The following SPAG16 variants were observed in gnomAD, a reference collection of about 807,000 sequenced individuals.
SPAG16 encodes sperm associated antigen 16.
In SPAG16, 86 loss-of-function variants were observed where a neutral mutation model predicts 80.4. The ratio of observed to expected loss-of-function variants is 1.07; its 90% CI spans 0.90 to 1.28. The LOEUF is 1.28. Among genes scored for constraint, SPAG16 ranks in the 50% most tolerant of loss-of-function variants. The pLI is 0.00. For synonymous variants in SPAG16, 294 were observed against 265.9 expected (o/e 1.11, Z -1.03); for missense variants, 870 against 765.3 (o/e 1.14, Z -1.61).
chr2:214,211,966 T>C (rs1286767441), intron 15 of SPAG16, among the ~76,000 whole-genome samples: 2 of 152,178 alleles, frequency 1.3e-5, no homozygotes, highest in East Asian at 1.9e-4. Context: ...TTCGGGCTAC[T>C]GTGACACTTG....
intron 14 of SPAG16, among the ~76,000 whole-genome samples, chr2:214,134,906 G>C (rs1478121708): frequency 2.0e-5 from 3 of 152,116 alleles, no homozygotes; most frequent in Non-Finnish European, 2.9e-5. Flanking sequence ...ATTCCCCATG[G>C]AGTAGTATGT....
rs530312978 is a variant in SPAG16 at position 214,062,477 on chromosome 2, A to G, written c.1528-45719A>G. On this transcript the variant is annotated intron_variant, in intron 13 of 15. Transcript: ENST00000331683. ...AAACCAACCGCCTGACCTCACTACA[A>G]CATTACCACATCCCCAAACATGCAT... Among the ~76,000 whole-genome samples the G allele has an allele frequency of 2.0e-5, 3 of 151,168 alleles. No individual in the cohort carries two copies. In the East Asian group the frequency reaches 5.8e-4, roughly 29 times the overall value.
At chr2:214,096,898 T>C (rs1353439932) in intron 13 of SPAG16, among the ~76,000 whole-genome samples, 3 of 152,060 alleles carry the variant, frequency 2.0e-5, no homozygotes, top group Admixed American at 6.6e-5. Flanking sequence ...TTCTAATTTA[T>C]ATGCCAGTGA....
intron 12 of SPAG16, among the ~76,000 whole-genome samples, chr2:213,993,039 C>G (rs2046358287): frequency 6.6e-6 from 1 of 152,128 alleles, no homozygotes; most frequent in South Asian, 2.1e-4. Flanking sequence ...GTGACAGGCA[C>G]AAACACAAGT....
intron 12 of SPAG16, among the ~76,000 whole-genome samples, chr2:213,989,076 G>A (rs2046158255): frequency 6.6e-6 from 1 of 152,098 alleles, no homozygotes; most frequent in South Asian, 2.1e-4. Flanking sequence ...GTGGGATAGT[G>A]TCATATGATG....
rs369699588 is a variant in SPAG16 at position 214,247,887 on chromosome 2, G to T, written c.1720+98621G>T. On this transcript the variant is annotated intron_variant, in intron 15 of 15. Coordinates refer to ENST00000331683, the MANE Select transcript of SPAG16 (RefSeq NM_024532.5). ...TCTCTACAAAAAATAAATTAGCGGG[G>T]CACGGTGGTATGCACCTATAATCCA... is the stretch of plus-strand genomic sequence containing the variant. Among the ~76,000 whole-genome samples, 43 of 152,102 alleles carry T rather than the reference G, an allele frequency of 2.8e-4. No individual in the cohort carries two copies. In the South Asian group the frequency reaches 8.8e-3, roughly 31 times the overall value.
At chr2:213,507,862 T>C (rs2075030468) in intron 10 of SPAG16, among the ~76,000 whole-genome samples, 1 of 152,222 alleles carries the variant, frequency 6.6e-6, no homozygotes, top group Non-Finnish European at 1.5e-5. Context: ...CTCTCTATTA[T>C]CCCTTCATTT....
At chr2:214,116,851 T>C (rs909717323) in intron 14 of SPAG16, among the ~76,000 whole-genome samples, 4 of 152,186 alleles carry the variant, frequency 2.6e-5, no homozygotes, top group African/African-American at 9.6e-5. Context: ...ACAATTAGTA[T>C]TTTTAGATCT....
chr2:214,166,692 G>A (rs187754503), intron 15 of SPAG16, among the ~76,000 whole-genome samples: 98 of 152,118 alleles, frequency 6.4e-4, no homozygotes, highest in Admixed American at 1.5e-3. Context: ...GTTTCCTGGC[G>A]GGGCCCTGAC....
chr2:213,575,673 T>C (rs917687298), intron 10 of SPAG16, among the ~76,000 whole-genome samples: 2 of 152,176 alleles, frequency 1.3e-5, no homozygotes, highest in South Asian at 2.1e-4. Context: ...TAATTCCATA[T>C]TATATTTTTA....
intron 10 of SPAG16, among the ~76,000 whole-genome samples, chr2:213,661,225 T>C (rs182788174): frequency 1.3e-5 from 2 of 152,338 alleles, no homozygotes; most frequent in Admixed American, 6.5e-5. Context: ...TGGAAAATCT[T>C]TGTAGAATAT....
At chr2:214,367,127 A>C (rs1699527883) in intron 15 of SPAG16, among the ~76,000 whole-genome samples, 1 of 152,198 alleles carries the variant, frequency 6.6e-6, no homozygotes, top group South Asian at 2.1e-4. Context: ...TTGCTTTAAA[A>C]TGCCATATCA....
intron 11 of SPAG16, among the ~76,000 whole-genome samples, chr2:213,928,445 C>T (rs1575576310): frequency 6.6e-6 from 1 of 152,086 alleles, no homozygotes; most frequent in Non-Finnish European, 1.5e-5. Context: ...TATAATCCAC[C>T]TTCTCTCCAG....
At chr2:213,774,449 G>A (rs2069445499) in intron 10 of SPAG16, among the ~76,000 whole-genome samples, 2 of 152,240 alleles carry the variant, frequency 1.3e-5, no homozygotes, top group East Asian at 1.9e-4. Context: ...CTGTCTGCAT[G>A]TGGTCATCTT....
chr2:213,798,478 C>T (rs1267863930), intron 10 of SPAG16, among the ~76,000 whole-genome samples: 3 of 152,078 alleles, frequency 2.0e-5, no homozygotes, highest in Non-Finnish European at 2.9e-5. Flanking sequence ...TGGTCTTGAA[C>T]TTCTGATCTC....
intron 15 of SPAG16, among the ~76,000 whole-genome samples, chr2:214,258,174 A>C (rs1252857194): frequency 6.6e-6 from 1 of 151,876 alleles, no homozygotes; most frequent in Non-Finnish European, 1.5e-5. Context: ...GATTTCTGAG[A>C]TTTTGATGCA....
intron 12 of SPAG16, among the ~76,000 whole-genome samples, chr2:214,012,841 C>CA (rs757234089): frequency 4.7e-4 from 71 of 152,248 alleles, no homozygotes; most frequent in Admixed American, 1.2e-3. Context: ...TCTTCTGGGT[C>CA]ATTTCTAATA....
intron 14 of SPAG16, among the ~76,000 whole-genome samples, chr2:214,117,664 A>G (rs1275588897): frequency 6.6e-6 from 1 of 152,218 alleles, no homozygotes; most frequent in Non-Finnish European, 1.5e-5. Flanking sequence ...AGCATCATCA[A>G]ATGAGATTTA....
intron 15 of SPAG16, among the ~76,000 whole-genome samples, chr2:214,244,527 A>G (rs1689706806): frequency 6.6e-6 from 1 of 152,094 alleles, no homozygotes; most frequent in South Asian, 2.1e-4. Flanking sequence ...TAAGGATTTA[A>G]TATGATAAAA....
Sources: allele counts gnomAD v4.1 joint callset (sites outside exome capture counted in the v4.1 genomes callset), GRCh38; gene constraint gnomAD v4.1.1; transcripts MANE v1.5; gene names NCBI Gene and HGNC (gene_info 2026-07-23, HGNC 2026-07-21).